Variants in CACNA2D2 observed in about 807,000 individuals in gnomAD.
CACNA2D2 encodes calcium voltage-gated channel auxiliary subunit alpha2delta 2.
Under a neutral mutation model 166.4 loss-of-function variants are expected in CACNA2D2, and 48 were observed. The ratio of observed to expected loss-of-function variants is 0.29; its 90% CI spans 0.23 to 0.37. The LOEUF (loss-of-function observed/expected upper bound fraction) is 0.37, where lower values mean the gene tolerates loss of function less well. Ranked by LOEUF, CACNA2D2 falls within the 10% of genes least tolerant of loss-of-function variation. The pLI, the probability that CACNA2D2 is intolerant of heterozygous loss-of-function variation, is 1.00. For missense variants in CACNA2D2, 1,122 were observed against 1,433.0 expected, an observed-to-expected ratio of 0.78 and a Z score of 3.50; for synonymous variants, 561 against 573.7, an observed-to-expected ratio of 0.98 and a Z score of 0.32.
Position 50,375,746 on chromosome 3 carries a change from AG to A in CACNA2D2, c.1846-42del, listed in dbSNP as rs756629423. ...GGGTCAGGTACTTGGGCTAGCAGGC[AG>A]GGGGCGCTGGGGTAGAAGGGTGCCC... On this transcript the variant is annotated intron_variant, in intron 20 of 37. Transcript: ENST00000424201. This position sits in a 1 kb window ranked among gnomAD's most constrained non-coding sequence, Gnocchi z 4.0. 2 of 1,612,974 alleles carry A rather than the reference AG, an allele frequency of 1.2e-6. No individual in the cohort carries two copies. The highest frequency in any genetic ancestry group is 3.3e-5 in the Admixed American group (2 of 60,008).
chr3:50,490,864 G>A (rs1310302999), intron 1 of CACNA2D2, among the ~76,000 whole-genome samples: 1 of 152,160 alleles, frequency 6.6e-6, no homozygotes, highest in Non-Finnish European at 1.5e-5. Context: ...GCTTGAAGCA[G>A]GCTAGGAGGC....
intron 2 of CACNA2D2, among the ~76,000 whole-genome samples, chr3:50,465,559 A>G (rs1163183196): frequency 6.6e-6 from 1 of 152,202 alleles, no homozygotes; most frequent in Non-Finnish European, 1.5e-5. Context: ...GTGTCCCAGG[A>G]GCTGTGCCCA....
At chr3:50,478,410 G>A (rs1697895039) in intron 1 of CACNA2D2, among the ~76,000 whole-genome samples, 1 of 152,196 alleles carries the variant, frequency 6.6e-6, no homozygotes, top group African/African-American at 2.4e-5. Flanking sequence ...AGACAAATGG[G>A]CAGAGTGAGG....
chr3:50,453,690 C>T (rs1281068196), intron 2 of CACNA2D2, among the ~76,000 whole-genome samples: 2 of 152,038 alleles, frequency 1.3e-5, no homozygotes, highest in Admixed American at 6.6e-5. Flanking sequence ...ACCATCCTCA[C>T]GACTTCTGGC....
chr3:50,391,419 A>C (rs1207929642), intron 4 of CACNA2D2, among the ~76,000 whole-genome samples: 1 of 152,220 alleles, frequency 6.6e-6, no homozygotes, highest in Non-Finnish European at 1.5e-5. Flanking sequence ...TGCTGGCACC[A>C]AGTGTGGTCC....
intron 21 of CACNA2D2, 104 bp from the exon 22 acceptor site, chr3:50,374,917 C>G (rs2106637953): frequency 1.1e-6 from 1 of 894,170 alleles, no homozygotes; most frequent in Admixed American, 2.1e-5. Context: ...TGCAGCATCC[C>G]CTCCTCCCAC....
At chr3:50,479,324 T>C (rs1697943724) in intron 1 of CACNA2D2, among the ~76,000 whole-genome samples, 1 of 152,160 alleles carries the variant, frequency 6.6e-6, no homozygotes, top group Non-Finnish European at 1.5e-5. Context: ...CTCCAGCCCT[T>C]TGCCTGGCAT....
intron 2 of CACNA2D2, among the ~76,000 whole-genome samples, chr3:50,435,147 G>GTGTGT (rs1708254014): frequency 6.6e-6 from 1 of 151,896 alleles, no homozygotes; most frequent in South Asian, 2.1e-4. Flanking sequence ...GTGTGTGTGT[G>GTGTGT]TGTGTGTGAG....
chr3:50,483,527 C>G (rs1479801414), intron 1 of CACNA2D2, among the ~76,000 whole-genome samples: 1 of 152,186 alleles, frequency 6.6e-6, no homozygotes, highest in Non-Finnish European at 1.5e-5. Flanking sequence ...TGTGCCTCCC[C>G]CTCAGACTAA....
intron 2 of CACNA2D2, among the ~76,000 whole-genome samples, chr3:50,457,291 C>T (rs925704219): frequency 2.0e-5 from 3 of 152,070 alleles, no homozygotes; most frequent in Non-Finnish European, 2.9e-5. Flanking sequence ...CAAACAAAAA[C>T]GACAGACTAG....
At chr3:50,471,226 G>A (rs926181159) in intron 2 of CACNA2D2, among the ~76,000 whole-genome samples, 1 of 151,992 alleles carries the variant, frequency 6.6e-6, no homozygotes, top group Non-Finnish European at 1.5e-5. Flanking sequence ...CGGGAGCCCT[G>A]CAGAGGGGCT....
chr3:50,451,317 G>T (rs1393414010), intron 2 of CACNA2D2, among the ~76,000 whole-genome samples: 1 of 152,094 alleles, frequency 6.6e-6, no homozygotes, highest in African/African-American at 2.4e-5. Context: ...AGTAAAGATG[G>T]GTTTCACCAT....
intron 24 of CACNA2D2, 80 bp downstream of exon 24, chr3:50,368,058 G>T: frequency 8.0e-7 from 1 of 1,244,316 alleles, no homozygotes; most frequent in Non-Finnish European, 1.2e-6. Flanking sequence ...TTCCACACCT[G>T]CCCGGCCTCT....
At chr3:50,467,667 G>C (rs1237920480) in intron 2 of CACNA2D2, among the ~76,000 whole-genome samples, 1 of 152,164 alleles carries the variant, frequency 6.6e-6, no homozygotes, top group Non-Finnish European at 1.5e-5. Context: ...CGGTCACTTG[G>C]TTCCCTGCTT....
chr3:50,377,773 G>C lies in CACNA2D2; in HGVS notation c.1510C>G (p.Pro504Ala), dbSNP rs753499924. Residue 504 changes from proline to alanine, a missense_variant, in exon 16 of 38, where the codon CCT becomes GCT. Physicochemically the swap from Pro to Ala is conservative, Grantham distance 27 (BLOSUM62 -1). Transcript: ENST00000424201. The part of the protein sequence containing the change: ...GLGLVVTGTL[P>A]VFNLTQDGPG... ...CCATCCTGTGTCAGGTTGAAAACAG[G>C]GAGGGTCCCTGTTACCACCAACCCC... 1.2e-6 allele frequency: 2 copies of C among 1,613,394 alleles called. No homozygotes were observed. The highest frequency in any genetic ancestry group is 2.2e-5 in the South Asian group (2 of 90,978).
chr3:50,495,339 A>C (rs1257144270), intron 1 of CACNA2D2, among the ~76,000 whole-genome samples: 1 of 152,134 alleles, frequency 6.6e-6, no homozygotes, highest in Non-Finnish European at 1.5e-5. Flanking sequence ...GCCACTTCCC[A>C]AAATCCCAAG....
intron 3 of CACNA2D2, among the ~76,000 whole-genome samples, chr3:50,421,136 C>G (rs1420861411): frequency 6.6e-6 from 1 of 152,222 alleles, no homozygotes; most frequent in African/African-American, 2.4e-5. Context: ...CCAGAGCTCA[C>G]CTGTGAGGTG....
intron 22 of CACNA2D2, chr3:50,373,230 C>T (rs1034355782): frequency 4.4e-6 from 3 of 689,432 alleles, no homozygotes; most frequent in African/African-American, 1.8e-5. Context: ...GTCTCATCAT[C>T]ATACCGAAAG....
chr3:50,453,154 T>C (rs571304599), intron 2 of CACNA2D2, among the ~76,000 whole-genome samples: 35 of 152,280 alleles, frequency 2.3e-4, no homozygotes, highest in African/African-American at 8.2e-4. Context: ...CCCCGCTGCC[T>C]GCCAGAGTCG....
Sources: gnomAD v4.1 joint callset for allele counts (sites outside exome capture counted in the v4.1 genomes callset) on GRCh38, gnomAD v4.1.1 for gene constraint, Gnocchi (gnomAD v3.1) non-coding constraint, MANE v1.5 for transcripts, NCBI Gene and HGNC (gene_info 2026-07-23, HGNC 2026-07-21) for gene names.